ATP8A2: variants seen among roughly 807,000 people sequenced by gnomAD.
ATP8A2 encodes ATPase phospholipid transporting 8A2.
In ATP8A2, 100 loss-of-function variants were observed where a neutral mutation model predicts 165.6. The observed-to-expected ratio is 0.60, with a 90% CI of 0.51 to 0.71. ATP8A2 has a LOEUF of 0.71. Ranked by LOEUF, ATP8A2 falls within the 30% of genes least tolerant of loss-of-function variation. ATP8A2 has a pLI of 0.00. For missense variants in ATP8A2, 1,227 were observed against 1,479.5 expected (o/e 0.83, Z 2.80); for synonymous variants, 543 against 548.8 (o/e 0.99, Z 0.15).
intron 1 of ATP8A2, among the ~76,000 whole-genome samples, chr13:25,375,187 A>T (rs1340308286): frequency 6.6e-6 from 1 of 152,218 alleles, no homozygotes; most frequent in Non-Finnish European, 1.5e-5. Flanking sequence ...CTTAGAATGG[A>T]AACAAAGTCA....
At chr13:25,799,540 T>C (rs569006780) in intron 27 of ATP8A2, among the ~76,000 whole-genome samples, 39 of 152,318 alleles carry the variant, frequency 2.6e-4, no homozygotes, top group African/African-American at 9.1e-4. Context: ...GATGATTATG[T>C]GGGATCTGAC....
At chr13:25,986,952 C>T (rs963090513) in intron 35 of ATP8A2, among the ~76,000 whole-genome samples, 1 of 152,218 alleles carries the variant, frequency 6.6e-6, no homozygotes, top group South Asian at 2.1e-4. Flanking sequence ...GGAGGAACTA[C>T]AGTGATCAAA....
chr13:25,731,689 A>G (rs2043650200), intron 25 of ATP8A2, among the ~76,000 whole-genome samples: 1 of 152,136 alleles, frequency 6.6e-6, no homozygotes, highest in Non-Finnish European at 1.5e-5. Flanking sequence ...GGAATATAAC[A>G]CCCTCTTGGT....
intron 2 of ATP8A2, among the ~76,000 whole-genome samples, chr13:25,512,469 A>G (rs1324558491): frequency 2.5e-4 from 37 of 147,314 alleles, no homozygotes; most frequent in African/African-American, 8.8e-4. Context: ...AGGCAGAGGC[A>G]CCCCTCATCT....
intron 24 of ATP8A2, among the ~76,000 whole-genome samples, chr13:25,670,269 C>G (rs1397128656): frequency 6.6e-6 from 1 of 152,070 alleles, no homozygotes; most frequent in Non-Finnish European, 1.5e-5. Flanking sequence ...GAAGATAGTC[C>G]CACTGCATAG....
intron 35 of ATP8A2, among the ~76,000 whole-genome samples, chr13:25,989,661 T>A (rs1024855754): frequency 3.3e-5 from 5 of 152,084 alleles, no homozygotes; most frequent in African/African-American, 1.2e-4. Context: ...CACCTTATGC[T>A]CATTCTCTCC....
intron 1 of ATP8A2, among the ~76,000 whole-genome samples, chr13:25,386,129 T>C (rs555437272): frequency 3.4e-4 from 51 of 152,204 alleles, no homozygotes; most frequent in Middle Eastern, 3.4e-3. Context: ...TTGGCCAGGC[T>C]GGTCTCGAAC....
chr13:25,465,748 C>CT (rs2035643275), intron 1 of ATP8A2, among the ~76,000 whole-genome samples: 1 of 4,338 alleles, frequency 2.3e-4, no homozygotes, highest in African/African-American at 3.6e-4. Context: ...TCCCTCCCTC[C>CT]CTCTCTCTCT....
intron 24 of ATP8A2, among the ~76,000 whole-genome samples, chr13:25,684,557 A>G (rs896263581): frequency 1.4e-4 from 21 of 152,202 alleles, no homozygotes; most frequent in African/African-American, 4.8e-4. Context: ...CTCTTGGTAT[A>G]TTTATTTCTG....
At chr13:25,938,995 A>G (rs1954991878) in intron 33 of ATP8A2, among the ~76,000 whole-genome samples, 4 of 152,004 alleles carry the variant, frequency 2.6e-5, no homozygotes. Context: ...GGCACGCACC[A>G]CCACGCCCGG....
chr13:25,949,346 T>A (rs1335791098), intron 33 of ATP8A2, among the ~76,000 whole-genome samples: 1 of 152,250 alleles, frequency 6.6e-6, no homozygotes, highest in African/African-American at 2.4e-5. Flanking sequence ...CCGTCCACCC[T>A]ATCTTTATCA....
chr13:25,889,248 A>G (rs1953271711), intron 33 of ATP8A2, among the ~76,000 whole-genome samples: 1 of 66,214 alleles, frequency 1.5e-5, no homozygotes, highest in Non-Finnish European at 4.7e-5. Flanking sequence ...CCTTTGTCAT[A>G]TATATATATA....
chr13:25,470,182 G>A (rs2035804477), intron 2 of ATP8A2, among the ~76,000 whole-genome samples: 1 of 152,116 alleles, frequency 6.6e-6, no homozygotes, highest in African/African-American at 2.4e-5. Flanking sequence ...ACATTATTGG[G>A]GTAGAATAAT....
chr13:25,662,057 C>A lies in ATP8A2; in HGVS notation c.2212-37116C>A, dbSNP rs558142672. On this transcript the variant is annotated intron_variant, in intron 24 of 36. Coordinates refer to ENST00000381655, the MANE Select transcript of ATP8A2 (RefSeq NM_016529.6). ...ATCCTGGTTCTAGTCCTTTCTAGCT[C>A]TCTGACCAGGAGCAAATTACCTAAG... Among the ~76,000 whole-genome samples, 9 of 152,274 alleles carry A rather than the reference C, an allele frequency of 5.9e-5. No homozygotes were observed. The South Asian group carries it at 1.9e-3, about 32-fold the overall frequency.
At chr13:25,820,288 A>T (rs1951144754) in intron 27 of ATP8A2, among the ~76,000 whole-genome samples, 1 of 152,226 alleles carries the variant, frequency 6.6e-6, no homozygotes, top group Non-Finnish European at 1.5e-5. Context: ...CAGTTTGCTC[A>T]TAACAACACT....
intron 22 of ATP8A2, 72 bp downstream of exon 22, chr13:25,580,019 A>G: frequency 1.3e-6 from 2 of 1,546,264 alleles, no homozygotes; most frequent in Non-Finnish European, 1.8e-6. Flanking sequence ...GTATTTGAAC[A>G]GGAATCCTTT....
chr13:25,866,092 G>C (rs1231782542), intron 33 of ATP8A2, among the ~76,000 whole-genome samples: 1 of 152,144 alleles, frequency 6.6e-6, no homozygotes, highest in Non-Finnish European at 1.5e-5. Context: ...ATGGAAACTT[G>C]ATCCTAGACC....
chr13:25,374,644 G>A (rs1304361918), intron 1 of ATP8A2, among the ~76,000 whole-genome samples: 1 of 152,148 alleles, frequency 6.6e-6, no homozygotes, highest in Non-Finnish European at 1.5e-5. Context: ...AGTCAGAGGG[G>A]TCGGGTTGTG....
chr13:25,414,219 C>G (rs1374679026), intron 1 of ATP8A2, among the ~76,000 whole-genome samples: 1 of 135,600 alleles, frequency 7.4e-6, no homozygotes, highest in Non-Finnish European at 1.5e-5. Context: ...GAGTCAGAGT[C>G]TCGCTCTGTC....
Sources: gnomAD v4.1 joint callset for allele counts (sites outside exome capture counted in the v4.1 genomes callset) on GRCh38, gnomAD v4.1.1 for gene constraint, MANE v1.5 for transcripts, NCBI Gene and HGNC (gene_info 2026-07-23, HGNC 2026-07-21) for gene names.